Variants in TNS3 observed in about 807,000 individuals in gnomAD.
TNS3 encodes tensin-3.
In TNS3, 45 loss-of-function variants were observed where a neutral mutation model predicts 140.9. The ratio of observed to expected loss-of-function variants is 0.32; its 90% CI spans 0.25 to 0.41. The LOEUF is 0.41. Ranked by LOEUF, TNS3 falls within the 10% of genes least tolerant of loss-of-function variation. The pLI is 1.00. For missense variants in TNS3, 1,716 were observed against 1,906.7 expected, an observed-to-expected ratio of 0.90 and a Z score of 1.86; for synonymous variants, 815 against 788.4, an observed-to-expected ratio of 1.03 and a Z score of -0.56.
intron 25 of TNS3, among the ~76,000 whole-genome samples, chr7:47,293,303 T>C (rs1562765892): frequency 6.6e-6 from 1 of 152,152 alleles, no homozygotes; most frequent in Non-Finnish European, 1.5e-5. Context: ...CTGTGCTTTG[T>C]GTGGATTGCT....
intron 30 of TNS3, 58 bp from the exon 31 acceptor site, chr7:47,278,278 C>T: frequency 6.4e-6 from 10 of 1,555,814 alleles, no homozygotes; most frequent in South Asian, 4.8e-5. Flanking sequence ...CAAGCTTCTA[C>T]TTCCTCCAGC....
At chr7:47,568,455 CAG>C (rs959490211) in intron 1 of TNS3, among the ~76,000 whole-genome samples, 4 of 152,164 alleles carry the variant, frequency 2.6e-5, no homozygotes, top group African/African-American at 7.2e-5. Flanking sequence ...TCAGTTTCTA[CAG>C]AGTTAGTGAG....
At chr7:47,483,606 G>A (rs146368011) in intron 3 of TNS3, among the ~76,000 whole-genome samples, 1 of 152,352 alleles carries the variant, frequency 6.6e-6, no homozygotes, top group African/African-American at 2.4e-5. Flanking sequence ...AGAAACTTGA[G>A]TTTTAAAGAC....
intron 1 of TNS3, among the ~76,000 whole-genome samples, chr7:47,573,101 A>G (rs1180615925): frequency 1.3e-5 from 2 of 152,204 alleles, no homozygotes; most frequent in African/African-American, 2.4e-5. Flanking sequence ...CTGGATCTCC[A>G]GAGGTGGGGC....
chr7:47,312,969 G>A (rs535463222), intron 20 of TNS3, among the ~76,000 whole-genome samples: 2 of 152,314 alleles, frequency 1.3e-5, no homozygotes, highest in African/African-American at 4.8e-5. Flanking sequence ...GCCGGAGAAC[G>A]GAAGAGAGAA....
chr7:47,378,468 C>T (rs1791540483), intron 16 of TNS3, among the ~76,000 whole-genome samples: 1 of 152,194 alleles, frequency 6.6e-6, no homozygotes, highest in South Asian at 2.1e-4. Context: ...GCTAACCATC[C>T]ACCCAGTGCG....
intron 3 of TNS3, among the ~76,000 whole-genome samples, chr7:47,490,152 A>T (rs1334035611): frequency 6.6e-6 from 1 of 152,254 alleles, no homozygotes; most frequent in Admixed American, 6.5e-5. Flanking sequence ...CCAAGGACCA[A>T]GATTTAACTG....
intron 16 of TNS3, among the ~76,000 whole-genome samples, chr7:47,385,703 G>A (rs1015293370): frequency 3.9e-5 from 6 of 152,172 alleles, no homozygotes; most frequent in East Asian, 1.9e-4. Context: ...CCAATACTAC[G>A]AGAAAGATGG....
chr7:47,292,990 G>T, intron 25 of TNS3, 85 bp from the exon 26 acceptor site: 2 of 1,190,324 alleles, frequency 1.7e-6, no homozygotes, highest in Non-Finnish European at 2.5e-6. Flanking sequence ...GGAATGAAAC[G>T]GATGCAAAGG....
intron 20 of TNS3, among the ~76,000 whole-genome samples, chr7:47,320,692 A>ACT (rs751889517): frequency 3.3e-4 from 51 of 152,314 alleles, no homozygotes; most frequent in Non-Finnish European, 5.3e-4. Flanking sequence ...CACTTTCACC[A>ACT]GTCACCACTG....
intron 20 of TNS3, among the ~76,000 whole-genome samples, chr7:47,339,928 T>C (rs1479697333): frequency 7.0e-6 from 1 of 143,136 alleles, no homozygotes; most frequent in Non-Finnish European, 1.5e-5. Context: ...CATCTAACCA[T>C]TTAATTTTTT....
intron 2 of TNS3, among the ~76,000 whole-genome samples, chr7:47,521,343 G>A (rs918181213): frequency 2.6e-5 from 4 of 152,278 alleles, no homozygotes; most frequent in African/African-American, 9.6e-5. Context: ...CTTGGTCACC[G>A]TGGGCATCGC....
intron 16 of TNS3, among the ~76,000 whole-genome samples, chr7:47,387,037 CAG>C (rs1792116206): frequency 6.6e-6 from 1 of 152,176 alleles, no homozygotes; most frequent in Admixed American, 6.5e-5. Context: ...CTTGGACTTA[CAG>C]AGAGAGTAAG....
chr7:47,530,838 A>AATATATATATATATATATATATAT (rs1554350245), intron 1 of TNS3, among the ~76,000 whole-genome samples: 8 of 54,544 alleles, frequency 1.5e-4, no homozygotes, highest in African/African-American at 2.4e-4. Flanking sequence ...AAAAAAAAAA[A>AATATATATATATATATATATATAT]ATATATATAT....
At chr7:47,450,430 A>G (rs1452518148) in intron 4 of TNS3, among the ~76,000 whole-genome samples, 1 of 152,196 alleles carries the variant, frequency 6.6e-6, no homozygotes, top group Non-Finnish European at 1.5e-5. Flanking sequence ...ACATGACTAT[A>G]AACTGTGGAT....
chr7:47,471,101 C>T (rs1796934336), intron 4 of TNS3, among the ~76,000 whole-genome samples: 1 of 152,058 alleles, frequency 6.6e-6, no homozygotes, highest in Non-Finnish European at 1.5e-5. Context: ...TCCCAGAAAC[C>T]CTTTGGAAAT....
chr7:47,367,553 C>G (rs1427698790), intron 17 of TNS3, among the ~76,000 whole-genome samples: 1 of 152,212 alleles, frequency 6.6e-6, no homozygotes, highest in African/African-American at 2.4e-5. Flanking sequence ...GTTTCCAAAC[C>G]ACCAGCCTCA....
intron 17 of TNS3, among the ~76,000 whole-genome samples, chr7:47,362,901 C>T (rs1445639287): frequency 2.3e-5 from 3 of 127,972 alleles, no homozygotes; most frequent in African/African-American, 9.2e-5. Context: ...TCACCATCAC[C>T]ACCATCAACA....
At chr7:47,298,947 G>A (rs1786216558) in intron 23 of TNS3, among the ~76,000 whole-genome samples, 1 of 152,202 alleles carries the variant, frequency 6.6e-6, no homozygotes. Flanking sequence ...CAGGCTCACC[G>A]TGCATGCCCG....
Sources: gnomAD v4.1 joint callset for allele counts (sites outside exome capture counted in the v4.1 genomes callset) on GRCh38, gnomAD v4.1.1 for gene constraint, MANE v1.5 for transcripts, NCBI Gene and HGNC (gene_info 2026-07-23, HGNC 2026-07-21) for gene names.